Variants in KITLG observed in about 807,000 individuals in gnomAD.
KITLG encodes KIT ligand, also known as c-Kit ligand.
KITLG carries 13 observed loss-of-function variants against 34.1 expected under a neutral mutation model. The observed-to-expected ratio is 0.38, with a 90% CI of 0.25 to 0.61. The LOEUF is 0.61. KITLG is among the 20% of genes least tolerant of loss of function. The probability of loss-of-function intolerance (pLI) is 0.60; values close to 1 mark genes in which losing one functional copy is unlikely to be tolerated. For synonymous variants in KITLG, 110 were observed against 104.0 expected (o/e 1.06, Z -0.35); for missense variants, 292 against 318.9 (o/e 0.92, Z 0.64).
chr12:88,514,522 A>T (rs1310398455), intron 6 of KITLG, among the ~76,000 whole-genome samples: 1 of 151,690 alleles, frequency 6.6e-6, no homozygotes, highest in Non-Finnish European at 1.5e-5. Flanking sequence ...TCCTGCACAT[A>T]ATGTATAACA....
intron 9 of KITLG, among the ~76,000 whole-genome samples, chr12:88,504,647 C>G (rs1358943581): frequency 6.6e-6 from 1 of 152,148 alleles, no homozygotes; most frequent in African/African-American, 2.4e-5. Context: ...GAAATAGGAA[C>G]ACTTTTACAC....
At chr12:88,579,940 ATAACT>A in intron 1 of KITLG, 2 of 531,492 alleles carry the variant, frequency 3.8e-6, no homozygotes, top group Non-Finnish European at 6.8e-6. Flanking sequence ...CCTTCCCGTG[ATAACT>A]TAACATTCCA....
In KITLG at chr12:88,500,111, A is replaced by C. The variant is rs114579357; in HGVS notation, c.*38-2930T>G. Among the ~76,000 whole-genome samples, 1,342 of 152,266 alleles carry C rather than the reference A, an allele frequency of 8.8e-3. 27 individuals are homozygous for C. Among genetic ancestry groups the C allele is most frequent in the African/African-American group, 0.031 (1,274 of 41,566 alleles). ...CTCAGCATTTAACTCTTTATATGTGACTTCCACTGGAATCCAACTGTCCAA... is the reference window on the plus strand; with the variant it reads ...CTCAGCATTTAACTCTTTATATGTGCCTTCCACTGGAATCCAACTGTCCAA... On this transcript the variant is annotated intron_variant, in intron 9 of 9. Transcript: ENST00000644744.
intron 6 of KITLG, among the ~76,000 whole-genome samples, chr12:88,513,125 A>G (rs1177375702): frequency 5.3e-5 from 8 of 151,920 alleles, no homozygotes; most frequent in African/African-American, 1.9e-4. Flanking sequence ...ATATATGTCA[A>G]TGATGACACA....
At chr12:88,508,903 T>C (rs1271935175) in intron 6 of KITLG, among the ~76,000 whole-genome samples, 4 of 152,170 alleles carry the variant, frequency 2.6e-5, no homozygotes, top group Non-Finnish European at 4.4e-5. Flanking sequence ...TTAACTACTA[T>C]CTATAAAAGT....
chr12:88,573,396 G>T (rs895525045), intron 1 of KITLG, among the ~76,000 whole-genome samples: 1 of 152,184 alleles, frequency 6.6e-6, no homozygotes, highest in Non-Finnish European at 1.5e-5. Context: ...ACTCAGCACT[G>T]TAGGGCCCTA....
At chr12:88,533,578 A>T (rs1870186315) in intron 2 of KITLG, among the ~76,000 whole-genome samples, 1 of 152,186 alleles carries the variant, frequency 6.6e-6, no homozygotes, top group African/African-American at 2.4e-5. Context: ...TTAGCCAACA[A>T]CTGACTTAGA....
At chr12:88,539,174 G>A (rs1368504767) in intron 2 of KITLG, among the ~76,000 whole-genome samples, 1 of 152,016 alleles carries the variant, frequency 6.6e-6, no homozygotes, top group Non-Finnish European at 1.5e-5. Context: ...ATGGTTCAAG[G>A]GTCACTGAGG....
At chr12:88,500,004 A>C (rs778164421) in intron 9 of KITLG, among the ~76,000 whole-genome samples, 3 of 152,066 alleles carry the variant, frequency 2.0e-5, no homozygotes, top group Non-Finnish European at 4.4e-5. Context: ...TTTTCTCCCA[A>C]TACCTCCTTA....
intron 1 of KITLG, among the ~76,000 whole-genome samples, chr12:88,571,339 T>A (rs1871644113): frequency 1.3e-5 from 2 of 152,192 alleles, no homozygotes; most frequent in Non-Finnish European, 2.9e-5. Flanking sequence ...TTTTAAATAT[T>A]GAGAAAGTGA....
In KITLG at chr12:88,573,504, C is replaced by G. The variant is rs116764933; in HGVS notation, c.15+6760G>C. 8.1e-3 allele frequency among the ~76,000 whole-genome samples: 1,238 copies of G among 152,206 alleles called. 21 individuals carry two copies. Among genetic ancestry groups the G allele is most frequent in the African/African-American group, 0.028 (1,171 of 41,510 alleles). On this transcript the variant is annotated intron_variant, in intron 1 of 9. Transcript: ENST00000644744. ...AATACTCACATTTAGGTGAAACAAG[C>G]CAATAATGAGATGCAATTCAGCCCT... is the stretch of plus-strand genomic sequence containing the variant.
intron 1 of KITLG, among the ~76,000 whole-genome samples, chr12:88,564,845 T>C (rs1407985080): frequency 6.6e-6 from 1 of 152,170 alleles, no homozygotes; most frequent in Non-Finnish European, 1.5e-5. Context: ...ATGATATATG[T>C]TTTTAAAAGT....
At chr12:88,563,804 T>A (rs1480496559) in intron 1 of KITLG, among the ~76,000 whole-genome samples, 1 of 151,848 alleles carries the variant, frequency 6.6e-6, no homozygotes, top group Non-Finnish European at 1.5e-5. Flanking sequence ...CTACTAAAAA[T>A]ACAAAAAATT....
intron 2 of KITLG, among the ~76,000 whole-genome samples, chr12:88,533,730 G>C (rs190310013): frequency 1.3e-5 from 2 of 152,226 alleles, no homozygotes; most frequent in Admixed American, 6.5e-5. Context: ...CTAAGATCAT[G>C]TGCATGTTTG....
intron 3 of KITLG, among the ~76,000 whole-genome samples, chr12:88,521,819 T>G (rs1033862598): frequency 1.3e-5 from 2 of 152,182 alleles, no homozygotes; most frequent in Non-Finnish European, 2.9e-5. Flanking sequence ...TCTTTCTTGA[T>G]AGCTTCTGTC....
At chr12:88,544,280 C>A (rs1488657505) in intron 2 of KITLG, among the ~76,000 whole-genome samples, 1 of 152,060 alleles carries the variant, frequency 6.6e-6, no homozygotes, top group Non-Finnish European at 1.5e-5. Context: ...TCCTCAGATC[C>A]CGCTGACATA....
intron 1 of KITLG, among the ~76,000 whole-genome samples, chr12:88,559,784 C>A (rs3782181): frequency 0.66 from 99,607 of 152,052 alleles, 36,450 homozygotes; most frequent in Middle Eastern, 0.85. Flanking sequence ...ATTCTACCAG[C>A]TGAAACACAG....
chr12:88,534,210 G>C (rs1870217021), intron 2 of KITLG, among the ~76,000 whole-genome samples: 1 of 152,098 alleles, frequency 6.6e-6, no homozygotes, highest in African/African-American at 2.4e-5. Context: ...GTCTAGACTA[G>C]AACTCAGGTC....
intron 4 of KITLG, among the ~76,000 whole-genome samples, chr12:88,516,981 A>C (rs549786281): frequency 2.0e-5 from 3 of 152,066 alleles, no homozygotes; most frequent in Admixed American, 6.6e-5. Context: ...TATCCAGTAA[A>C]GTTAGACATG....
Sources: gnomAD v4.1 joint callset for allele counts (sites outside exome capture counted in the v4.1 genomes callset) on GRCh38, gnomAD v4.1.1 for gene constraint, MANE v1.5 for transcripts, NCBI Gene and HGNC (gene_info 2026-07-23, HGNC 2026-07-21) for gene names.